Variants in PSD3 observed in about 807,000 individuals in gnomAD.
PSD3 encodes the protein PH and SEC7 domain-containing protein 3.
A neutral mutation model predicts 105.5 loss-of-function variants in PSD3; 49 were observed. The ratio of observed to expected loss-of-function variants is 0.46; its 90% CI spans 0.37 to 0.59. PSD3 has a LOEUF of 0.59. Among genes scored for constraint, PSD3 ranks in the 20% least tolerant of loss-of-function variants. The probability of loss-of-function intolerance (pLI) is 0.00; values close to 1 mark genes in which losing one functional copy is unlikely to be tolerated. For missense variants in PSD3, 1,561 were observed against 1,263.8 expected, an observed-to-expected ratio of 1.24 and a Z score of -3.57; for synonymous variants, 557 against 457.8, an observed-to-expected ratio of 1.22 and a Z score of -2.77.
chr8:18,729,205 G>C (rs571268767), intron 9 of PSD3, among the ~76,000 whole-genome samples: 72 of 152,228 alleles, frequency 4.7e-4, no homozygotes, highest in Non-Finnish European at 9.1e-4. Flanking sequence ...CTAGTCAGTA[G>C]AGATTTCTGA....
intron 8 of PSD3, among the ~76,000 whole-genome samples, chr8:18,797,349 A>C (rs1340156094): frequency 3.9e-5 from 6 of 152,172 alleles, no homozygotes; most frequent in African/African-American, 1.4e-4. Flanking sequence ...CACGACTGCC[A>C]ATTATTAATT....
At chr8:19,066,856 T>C (rs1829091356) in intron 1 of PSD3, among the ~76,000 whole-genome samples, 1 of 152,234 alleles carries the variant, frequency 6.6e-6, no homozygotes, top group African/African-American at 2.4e-5. Context: ...AAGCTTTTCC[T>C]AACCATGAAA....
At chr8:18,881,879 T>G (rs2129458699) in intron 2 of PSD3, among the ~76,000 whole-genome samples, 1 of 152,272 alleles carries the variant, frequency 6.6e-6, no homozygotes, top group Non-Finnish European at 1.5e-5. Flanking sequence ...AAGCAATCAA[T>G]TATGAATGTC....
rs1827062928 is a variant in PSD3 at position 19,013,653 on chromosome 8, G to A, written c.-70C>T. 4.1e-6 allele frequency: 5 copies of A among 1,227,568 alleles called. No homozygotes were observed. The highest frequency in any genetic ancestry group is 5.1e-6 in the Non-Finnish European group (5 of 984,288). 76.0% of individuals were successfully genotyped at this position (1,227,568 alleles called of 1,614,324 possible). ...CTCCGGGGCCGCAGCCTCAGGGCGC[G>A]AGTGCCGGCGGCCAGCGCCGCGTGC... On this transcript the variant is annotated 5_prime_UTR_variant, in exon 1 of 16. Coordinates refer to ENST00000327040, the MANE Select transcript of PSD3 (RefSeq NM_015310.4).
At chr8:18,618,619 TGTACTACACACCA>T (rs1232063111) in intron 11 of PSD3, among the ~76,000 whole-genome samples, 33 of 141,138 alleles carry the variant, frequency 2.3e-4, no homozygotes, top group South Asian at 7.4e-4. Flanking sequence ...TACCAGGCAG[TGTACTACACACCA>T]TAACAGGTAT....
chr8:18,625,365 C>A (rs892449376), intron 11 of PSD3, among the ~76,000 whole-genome samples: 1 of 152,084 alleles, frequency 6.6e-6, no homozygotes, highest in Admixed American at 6.6e-5. Flanking sequence ...GTCTTATTAT[C>A]TTGGAAAATG....
chr8:18,729,810 G>A (rs1803601514), intron 9 of PSD3, among the ~76,000 whole-genome samples: 1 of 152,102 alleles, frequency 6.6e-6, no homozygotes, highest in African/African-American at 2.4e-5. Context: ...TACTACACAG[G>A]AGAAGGAAAT....
At chr8:18,848,264 G>C (rs1181938135) in intron 4 of PSD3, among the ~76,000 whole-genome samples, 1 of 152,198 alleles carries the variant, frequency 6.6e-6, no homozygotes, top group Admixed American at 6.5e-5. Context: ...TCCTAAAACT[G>C]AACGCAACAC....
intron 9 of PSD3, chr8:18,762,885 G>A: frequency 8.1e-7 from 1 of 1,233,744 alleles, no homozygotes; most frequent in Non-Finnish European, 1.1e-6. Flanking sequence ...CAAAAAAACA[G>A]AATTTGGCTT....
At chr8:18,871,161 A>T (rs892918347) in intron 3 of PSD3, among the ~76,000 whole-genome samples, 1 of 152,204 alleles carries the variant, frequency 6.6e-6, no homozygotes, top group African/African-American at 2.4e-5. Context: ...CTGTGTTCAT[A>T]CATGTATGTC....
chr8:18,583,338 A>G (rs919285140), intron 12 of PSD3, among the ~76,000 whole-genome samples: 4 of 152,104 alleles, frequency 2.6e-5, no homozygotes, highest in African/African-American at 9.7e-5. Context: ...CTGAAGTTGG[A>G]GGACTGCTTG....
intron 1 of PSD3, among the ~76,000 whole-genome samples, chr8:19,037,335 G>C (rs1203433393): frequency 6.6e-6 from 1 of 152,204 alleles, no homozygotes; most frequent in Non-Finnish European, 1.5e-5. Flanking sequence ...GGTGACATTG[G>C]GCCACATGGC....
At chr8:18,902,326 G>A (rs567250884) in intron 2 of PSD3, among the ~76,000 whole-genome samples, 1 of 152,156 alleles carries the variant, frequency 6.6e-6, no homozygotes, top group South Asian at 2.1e-4. Flanking sequence ...TCAAATACAG[G>A]ATTTTTATTT....
intron 2 of PSD3, among the ~76,000 whole-genome samples, chr8:18,914,700 A>C (rs1341852536): frequency 6.6e-6 from 1 of 152,244 alleles, no homozygotes; most frequent in Non-Finnish European, 1.5e-5. Flanking sequence ...ACACTAATGA[A>C]AAAAGTTGAA....
At position 18,736,584 on chromosome 8, in the gene PSD3, C is replaced by T. The variant is rs965916109; in HGVS notation, c.2172+28865G>A. Reference sequence around the variant, plus strand: ...TCACCCAAAATCCCCAAGTTCCCTCCTTTGATCATCAATGGGGCTGTAGTT... The same window carrying T: ...TCACCCAAAATCCCCAAGTTCCCTCTTTTGATCATCAATGGGGCTGTAGTT... On this transcript the variant is annotated intron_variant, in intron 9 of 15. Transcript: ENST00000327040. Among the ~76,000 whole-genome samples, 38 of 152,108 alleles carry T rather than the reference C, an allele frequency of 2.5e-4. 1 individual carries two copies. The highest frequency in any genetic ancestry group is 2.4e-5 in the African/African-American group (1 of 41,424).
chr8:18,548,235 G>C (rs1323432600), intron 15 of PSD3, among the ~76,000 whole-genome samples: 1 of 151,974 alleles, frequency 6.6e-6, no homozygotes, highest in Admixed American at 6.5e-5. Flanking sequence ...ATGAACTCTT[G>C]TATTCTTATC....
At chr8:18,546,895 T>C (rs542620633) in intron 15 of PSD3, among the ~76,000 whole-genome samples, 1 of 152,308 alleles carries the variant, frequency 6.6e-6, no homozygotes, top group Admixed American at 6.5e-5. Flanking sequence ...AACTGCTCCA[T>C]GGTTCGGGGA....
intron 1 of PSD3, among the ~76,000 whole-genome samples, chr8:18,969,513 A>G (rs995787637): frequency 1.3e-5 from 2 of 152,248 alleles, no homozygotes; most frequent in African/African-American, 4.8e-5. Flanking sequence ...TAAAAAAATT[A>G]TGTTATACCA....
At chr8:18,848,233 A>G (rs1815259387) in intron 4 of PSD3, among the ~76,000 whole-genome samples, 1 of 152,240 alleles carries the variant, frequency 6.6e-6, no homozygotes, top group African/African-American at 2.4e-5. Flanking sequence ...CAGTTACATC[A>G]GACAGTCTTC....
Sources: gnomAD v4.1 joint callset for allele counts (sites outside exome capture counted in the v4.1 genomes callset) on GRCh38, gnomAD v4.1.1 for gene constraint, MANE v1.5 for transcripts, NCBI Gene and HGNC (gene_info 2026-07-23, HGNC 2026-07-21) for gene names.